Variants in TMEM132D observed in about 807,000 individuals in gnomAD.
TMEM132D encodes the protein transmembrane protein 132D.
Under a neutral mutation model 62.3 loss-of-function variants are expected in TMEM132D, and 21 were observed. The ratio of observed to expected loss-of-function variants is 0.34; its 90% CI spans 0.24 to 0.49. The LOEUF (loss-of-function observed/expected upper bound fraction) is 0.49, where lower values mean the gene tolerates loss of function less well. TMEM132D is among the 20% of genes least tolerant of loss of function. The probability of loss-of-function intolerance (pLI) is 0.99; values close to 1 mark genes in which losing one functional copy is unlikely to be tolerated. For missense variants in TMEM132D, 1,346 were observed against 1,402.8 expected (o/e 0.96, Z 0.65); for synonymous variants, 621 against 575.6 (o/e 1.08, Z -1.13).
At chr12:129,477,674 A>T (rs1874308205) in intron 3 of TMEM132D, among the ~76,000 whole-genome samples, 1 of 152,118 alleles carries the variant, frequency 6.6e-6, no homozygotes, top group Admixed American at 6.5e-5. Context: ...CAAAGAAATT[A>T]GCTGGGCGTG....
intron 5 of TMEM132D, among the ~76,000 whole-genome samples, chr12:129,109,350 C>G (rs1294591364): frequency 6.6e-6 from 1 of 152,190 alleles, no homozygotes; most frequent in Non-Finnish European, 1.5e-5. Context: ...GTTGTCTCCT[C>G]TGCAAAATGG....
At chr12:129,345,182 G>A (rs1412967975) in intron 3 of TMEM132D, among the ~76,000 whole-genome samples, 3 of 152,102 alleles carry the variant, frequency 2.0e-5, no homozygotes, top group African/African-American at 7.2e-5. Flanking sequence ...TCCATGTTGT[G>A]GTTTATCTAA....
chr12:129,185,884 T>A lies in TMEM132D; in HGVS notation c.1443+23636A>T, dbSNP rs74996016. ...CTTTGAAATGGAGTGCATATAGAACTTCTGATACAATCCAGAGCCCTGGAA... is the reference window on the plus strand; with the variant it reads ...CTTTGAAATGGAGTGCATATAGAACATCTGATACAATCCAGAGCCCTGGAA... On this transcript the variant is annotated intron_variant, in intron 5 of 8. Transcript: ENST00000422113. Among the ~76,000 whole-genome samples the A allele has an allele frequency of 4.3e-4, 65 of 152,296 alleles. 1 individual carries two copies. The East Asian group carries it at 0.01, about 24-fold the overall frequency.
chr12:129,343,660 C>A (rs1410562492), intron 3 of TMEM132D, among the ~76,000 whole-genome samples: 1 of 151,898 alleles, frequency 6.6e-6, no homozygotes, highest in Admixed American at 6.6e-5. Context: ...GCCTGTAATC[C>A]CAGCACTTTG....
chr12:129,527,141 T>C (rs2137086157), intron 3 of TMEM132D, among the ~76,000 whole-genome samples: 1 of 152,192 alleles, frequency 6.6e-6, no homozygotes, highest in South Asian at 2.1e-4. Context: ...AAACCCCACC[T>C]CTACTATATA....
intron 2 of TMEM132D, among the ~76,000 whole-genome samples, chr12:129,602,310 T>C (rs905847279): frequency 5.3e-5 from 8 of 152,108 alleles, no homozygotes; most frequent in African/African-American, 4.8e-5. Context: ...CCAAAAACTA[T>C]GATGGATACT....
intron 1 of TMEM132D, among the ~76,000 whole-genome samples, chr12:129,877,173 T>TATTATATTATAATTAA (rs59715068): frequency 2.0e-5 from 3 of 148,418 alleles, no homozygotes; most frequent in Non-Finnish European, 4.5e-5. Flanking sequence ...AATATTATAT[T>TATTATATTATAATTAA]TATAATTATG....
At chr12:129,826,265 G>T (rs978909095) in intron 1 of TMEM132D, among the ~76,000 whole-genome samples, 1 of 152,138 alleles carries the variant, frequency 6.6e-6, no homozygotes, top group Non-Finnish European at 1.5e-5. Context: ...TCCTAAGAGG[G>T]GCCCATCCTG....
intron 4 of TMEM132D, among the ~76,000 whole-genome samples, chr12:129,234,238 C>T (rs1250764035): frequency 1.3e-5 from 2 of 152,106 alleles, no homozygotes; most frequent in African/African-American, 4.8e-5. Context: ...AGAGAACAGG[C>T]ATGGAGAATG....
At chr12:129,478,590 G>C (rs1874338899) in intron 3 of TMEM132D, among the ~76,000 whole-genome samples, 1 of 152,178 alleles carries the variant, frequency 6.6e-6, no homozygotes, top group African/African-American at 2.4e-5. Context: ...GGGCAGATAG[G>C]GGTTTCTCTC....
intron 2 of TMEM132D, among the ~76,000 whole-genome samples, chr12:129,558,900 G>A (rs1271195102): frequency 6.6e-6 from 1 of 152,144 alleles, no homozygotes; most frequent in African/African-American, 2.4e-5. Flanking sequence ...CTCAATTATT[G>A]GAACTCCTAC....
In TMEM132D at chr12:129,539,613, T is replaced by C. The variant is rs1457483312; in HGVS notation, c.969-8408A>G. On this transcript the variant is annotated intron_variant, in intron 2 of 8. Transcript: ENST00000422113. ...TTTTAGCAGAGACGGGATTTCACCA[T>C]GTTGCCCAGACTGATTTCAAACTCC... Among the ~76,000 whole-genome samples, 3 of 150,858 alleles carry C rather than the reference T, an allele frequency of 2.0e-5. No individual in the cohort carries two copies. The South Asian group carries it at 6.3e-4, about 32-fold the overall frequency.
chr12:129,632,158 G>T (rs1879361547), intron 2 of TMEM132D, among the ~76,000 whole-genome samples: 1 of 152,098 alleles, frequency 6.6e-6, no homozygotes, highest in Non-Finnish European at 1.5e-5. Context: ...TCATAATTAG[G>T]AATATAAGTT....
intron 3 of TMEM132D, among the ~76,000 whole-genome samples, chr12:129,513,804 T>TTTTTTTTA (rs1555262101): frequency 5.8e-4 from 78 of 134,056 alleles, no homozygotes; most frequent in Middle Eastern, 8.8e-3. Flanking sequence ...CAATTTTTAT[T>TTTTTTTTA]TTTATTTATT....
intron 4 of TMEM132D, among the ~76,000 whole-genome samples, chr12:129,259,837 T>C (rs982609919): frequency 1.3e-5 from 2 of 151,882 alleles, no homozygotes; most frequent in Non-Finnish European, 2.9e-5. Context: ...CAGAGAAGAG[T>C]TCAAGTTGAC....
chr12:129,696,581 T>C (rs1025025029), intron 2 of TMEM132D, among the ~76,000 whole-genome samples: 6 of 152,190 alleles, frequency 3.9e-5, no homozygotes. Flanking sequence ...ACCAGAGCTC[T>C]TTGGAAACGG....
At chr12:129,338,582 A>T (rs1869366679) in intron 3 of TMEM132D, among the ~76,000 whole-genome samples, 1 of 152,124 alleles carries the variant, frequency 6.6e-6, no homozygotes, top group Non-Finnish European at 1.5e-5. Flanking sequence ...AAAAATGTAG[A>T]TTTGGTGCCT....
At chr12:129,332,903 T>C (rs1221015051) in intron 4 of TMEM132D, among the ~76,000 whole-genome samples, 1 of 152,128 alleles carries the variant, frequency 6.6e-6, no homozygotes, top group Non-Finnish European at 1.5e-5. Context: ...TAGCTATAGT[T>C]TCAGTTTGCA....
chr12:129,896,965 G>A (rs1036180501), intron 1 of TMEM132D, among the ~76,000 whole-genome samples: 1 of 152,120 alleles, frequency 6.6e-6, no homozygotes, highest in Non-Finnish European at 1.5e-5. Flanking sequence ...TTACTTTCAA[G>A]GTCAAGGGCC....
Sources: allele counts gnomAD v4.1 joint callset (sites outside exome capture counted in the v4.1 genomes callset), GRCh38; gene constraint gnomAD v4.1.1; transcripts MANE v1.5; gene names NCBI Gene and HGNC (gene_info 2026-07-23, HGNC 2026-07-21).